The following LMTK2 variants were observed in gnomAD, a reference collection of about 807,000 sequenced individuals.
LMTK2 encodes serine/threonine-protein kinase LMTK2.
A neutral mutation model predicts 127.5 loss-of-function variants in LMTK2; 37 were observed. The observed-to-expected ratio is 0.29, with a 90% CI of 0.22 to 0.38. LMTK2 has a LOEUF of 0.38. Ranked by LOEUF, LMTK2 falls within the 10% of genes least tolerant of loss-of-function variation. The pLI is 1.00. For missense variants in LMTK2, 1,694 were observed against 1,920.3 expected, an observed-to-expected ratio of 0.88 and a Z score of 2.20; for synonymous variants, 819 against 810.1, an observed-to-expected ratio of 1.01 and a Z score of -0.19.
chr7:98,111,681 C>G (rs1441548616), intron 1 of LMTK2, among the ~76,000 whole-genome samples: 1 of 152,172 alleles, frequency 6.6e-6, no homozygotes, highest in African/African-American at 2.4e-5. Flanking sequence ...TTTCAGATTT[C>G]TTTGTAAATT....
chr7:98,188,373 C>T (rs971013980), intron 9 of LMTK2, among the ~76,000 whole-genome samples: 1 of 152,150 alleles, frequency 6.6e-6, no homozygotes, highest in Non-Finnish European at 1.5e-5. Context: ...GACCATTTCT[C>T]TTAAGGCATG....
intron 1 of LMTK2, among the ~76,000 whole-genome samples, chr7:98,113,475 G>A (rs1054075679): frequency 1.3e-4 from 20 of 151,686 alleles, no homozygotes; most frequent in African/African-American, 4.8e-4. Context: ...TGCCCAGGCT[G>A]GTCTCAAATT....
chr7:98,171,977 G>A lies in LMTK2; in HGVS notation c.791+303G>A, dbSNP rs369721696. 1.1e-4 allele frequency among the ~76,000 whole-genome samples: 17 copies of A among 152,276 alleles called. No individual in the cohort carries two copies. In the East Asian group the frequency reaches 1.7e-3, roughly 16 times the overall value. On this transcript the variant is annotated intron_variant, in intron 7 of 13. Transcript: ENST00000297293. The surrounding 1 kb of genome is among the most constrained non-coding windows in gnomAD (Gnocchi z 5.1). ...GTCCCGATCCACCGTATGACACCTC[G>A]CGTGTTTCATCCTTGCCACACCAGC...
intron 1 of LMTK2, among the ~76,000 whole-genome samples, chr7:98,109,310 G>A (rs1796164625): frequency 6.6e-6 from 1 of 152,174 alleles, no homozygotes; most frequent in South Asian, 2.1e-4. Context: ...CATACATATA[G>A]CATAAGGAAA....
At chr7:98,154,672 C>T in intron 4 of LMTK2, 86 bp from the exon 5 acceptor site, 1 of 816,756 alleles carries the variant, frequency 1.2e-6, no homozygotes, top group Admixed American at 2.1e-5. Flanking sequence ...TTAACTTGTT[C>T]ACCTGTGTTC....
At chr7:98,112,829 C>T (rs1796222018) in intron 1 of LMTK2, among the ~76,000 whole-genome samples, 1 of 152,150 alleles carries the variant, frequency 6.6e-6, no homozygotes, top group East Asian at 1.9e-4. Context: ...ACTGAGGTAG[C>T]ACAACCTCAG....
At chr7:98,132,955 A>T (rs1209612201) in intron 1 of LMTK2, among the ~76,000 whole-genome samples, 1 of 152,200 alleles carries the variant, frequency 6.6e-6, no homozygotes, top group African/African-American at 2.4e-5. Flanking sequence ...TTACTGAGAA[A>T]TTGCATTCTC....
At chr7:98,122,298 G>C (rs1796375030) in intron 1 of LMTK2, among the ~76,000 whole-genome samples, 1 of 151,916 alleles carries the variant, frequency 6.6e-6, no homozygotes. Flanking sequence ...TTGGTGTATA[G>C]ATAATTTTGT....
intron 9 of LMTK2, among the ~76,000 whole-genome samples, chr7:98,187,396 A>G (rs74320159): frequency 6.6e-6 from 1 of 152,194 alleles, no homozygotes. Flanking sequence ...AGATGCACCT[A>G]AAACTTTGAC....
intron 1 of LMTK2, among the ~76,000 whole-genome samples, chr7:98,134,494 A>C (rs1185718309): frequency 6.6e-6 from 1 of 152,166 alleles, no homozygotes; most frequent in Non-Finnish European, 1.5e-5. Context: ...TATTATGTGC[A>C]TCGGGAGTGA....
Position 98,194,571 on chromosome 7 carries a change from A to G in LMTK2, c.4106A>G (p.Gln1369Arg). ...FDDVTVYLFD[Q>R]ETPTKELGPC... ...GATGTCACAGTCTACCTGTTTGACC[A>G]GGTATCTGTTCCCTCTAAATCATTT... Residue 1369 changes from glutamine (Q) to arginine (R), a missense_variant and splice_region_variant, in exon 11 of 14, where the codon CAG (glutamine) becomes CGG (arginine). Gln to Arg is a conservative substitution (Grantham distance 43). Transcript: ENST00000297293. This position sits in a 1 kb window ranked among gnomAD's most constrained non-coding sequence, Gnocchi z 5.4. 2 of 1,601,106 alleles carry G rather than the reference A, an allele frequency of 1.2e-6. No homozygotes were observed.
At chr7:98,202,286 T>C (rs1025640363) in intron 11 of LMTK2, among the ~76,000 whole-genome samples, 2 of 152,264 alleles carry the variant, frequency 1.3e-5, no homozygotes, top group African/African-American at 2.4e-5. Context: ...TTGTCATTCT[T>C]CTTATCATCT....
intron 11 of LMTK2, among the ~76,000 whole-genome samples, chr7:98,200,763 T>C (rs1392246989): frequency 6.6e-6 from 1 of 152,248 alleles, no homozygotes; most frequent in Non-Finnish European, 1.5e-5. Context: ...TTACTTATAA[T>C]GCCTCATACA....
chr7:98,155,635 G>A (rs981927968), intron 5 of LMTK2, among the ~76,000 whole-genome samples: 3 of 152,158 alleles, frequency 2.0e-5, no homozygotes, highest in African/African-American at 4.8e-5. Flanking sequence ...GAATCAGCAC[G>A]TTTGTCACTT....
intron 1 of LMTK2, among the ~76,000 whole-genome samples, chr7:98,136,808 A>T (rs1378956758): frequency 6.6e-6 from 1 of 152,190 alleles, no homozygotes; most frequent in Non-Finnish European, 1.5e-5. Flanking sequence ...CATTCCACAA[A>T]ATAACTGACC....
At chr7:98,118,597 G>A (rs978762218) in intron 1 of LMTK2, among the ~76,000 whole-genome samples, 7 of 151,902 alleles carry the variant, frequency 4.6e-5, no homozygotes, top group African/African-American at 1.2e-4. Context: ...GTGGACCCTC[G>A]TGTTCCCGTC....
At chr7:98,175,960 T>C (rs1291991281) in intron 7 of LMTK2, among the ~76,000 whole-genome samples, 5 of 152,258 alleles carry the variant, frequency 3.3e-5, no homozygotes, top group Admixed American at 2.6e-4. Context: ...CGGAAATTTC[T>C]ATAACTCATA....
intron 7 of LMTK2, among the ~76,000 whole-genome samples, chr7:98,183,849 T>C (rs1336004488): frequency 6.6e-6 from 1 of 152,220 alleles, no homozygotes; most frequent in Non-Finnish European, 1.5e-5. Context: ...TTCTGGTCTT[T>C]AGGTAAACTA....
chr7:98,115,521 G>T (rs1796267365), intron 1 of LMTK2, among the ~76,000 whole-genome samples: 1 of 152,072 alleles, frequency 6.6e-6, no homozygotes, highest in Non-Finnish European at 1.5e-5. Context: ...AGAAAGGTTT[G>T]GTTTTGGGCC....
Sources: allele counts gnomAD v4.1 joint callset (sites outside exome capture counted in the v4.1 genomes callset), GRCh38; gene constraint gnomAD v4.1.1; non-coding constraint Gnocchi (gnomAD v3.1); transcripts MANE v1.5; gene names NCBI Gene and HGNC (gene_info 2026-07-23, HGNC 2026-07-21).